CD9: variants seen among roughly 807,000 people sequenced by gnomAD.
The protein encoded by CD9 is CD9 molecule.
CD9 carries 10 observed loss-of-function variants against 31.4 expected under a neutral mutation model. The observed-to-expected ratio is 0.32, with a 90% CI of 0.20 to 0.54. The LOEUF (loss-of-function observed/expected upper bound fraction) is 0.54, where lower values mean the gene tolerates loss of function less well. Ranked by LOEUF, CD9 falls within the 20% of genes least tolerant of loss-of-function variation. The pLI is 0.94. For synonymous variants in CD9, 113 were observed against 114.1 expected, an observed-to-expected ratio of 0.99 and a Z score of 0.06; for missense variants, 259 against 300.1, an observed-to-expected ratio of 0.86 and a Z score of 1.01.
At chr12:6,236,307 A>T (rs372753121) in intron 7 of CD9, 32 bp downstream of exon 7, 21 of 1,586,638 alleles carry the variant, frequency 1.3e-5, no homozygotes, top group African/African-American at 6.7e-5. Flanking sequence ...CAGGAGGGGG[A>T]CTGAGGAGTT....
At chr12:6,217,574 A>G (rs1030802589) in intron 1 of CD9, among the ~76,000 whole-genome samples, 1 of 152,118 alleles carries the variant, frequency 6.6e-6, no homozygotes, top group Non-Finnish European at 1.5e-5. Context: ...CCCACCCCAT[A>G]AAGAAGCAGG....
chr12:6,209,945 A>G (rs1192625255), intron 1 of CD9, among the ~76,000 whole-genome samples: 2 of 152,194 alleles, frequency 1.3e-5, no homozygotes, highest in African/African-American at 4.8e-5. Context: ...TCGGCCTTCC[A>G]AAGTGCTGGG....
chr12:6,207,902 A>T (rs1946150351), intron 1 of CD9, among the ~76,000 whole-genome samples: 1 of 152,214 alleles, frequency 6.6e-6, no homozygotes, highest in African/African-American at 2.4e-5. Flanking sequence ...GAGGGAAGAA[A>T]TAGTGGCTCT....
intron 1 of CD9, among the ~76,000 whole-genome samples, chr12:6,223,018 G>A (rs997652735): frequency 2.0e-5 from 3 of 152,256 alleles, no homozygotes; most frequent in Non-Finnish European, 2.9e-5. Flanking sequence ...AAAAAGGACA[G>A]TAATGAGCAC....
At chr12:6,217,813 G>A (rs928229806) in intron 1 of CD9, among the ~76,000 whole-genome samples, 9 of 152,188 alleles carry the variant, frequency 5.9e-5, no homozygotes, top group Non-Finnish European at 1.3e-4. Flanking sequence ...TGGTAGATAT[G>A]GCCACCTCAA....
intron 1 of CD9, among the ~76,000 whole-genome samples, chr12:6,223,323 G>A (rs1259029352): frequency 1.3e-5 from 2 of 150,820 alleles, no homozygotes; most frequent in Non-Finnish European, 2.9e-5. Flanking sequence ...GTGCAGTGGC[G>A]CAATCTCCGC....
chr12:6,231,002 C>A (rs1439767811), intron 2 of CD9, among the ~76,000 whole-genome samples: 1 of 152,202 alleles, frequency 6.6e-6, no homozygotes, highest in Non-Finnish European at 1.5e-5. Context: ...TGCAAAGTCT[C>A]ACCCCTGCTC....
At chr12:6,220,014 C>T (rs1339558932) in intron 1 of CD9, among the ~76,000 whole-genome samples, 1 of 152,176 alleles carries the variant, frequency 6.6e-6, no homozygotes, top group Non-Finnish European at 1.5e-5. Flanking sequence ...TCAGAGGTCC[C>T]CTGGACCTCA....
chr12:6,236,198 C>T lies in CD9; in HGVS notation c.544C>T (p.Pro182Ser). The change falls in exon 7 of 8, where the codon CCT (proline) becomes TCT (serine). Residue 182 changes from proline to serine, a missense_variant. Transcript: ENST00000009180. The stretch of plus-strand genomic sequence containing the variant: ...CTTGGTTTGTCTCCCCAAGTCCTGT[C>T]CTGATGCCATCAAAGAGGTCTTCGA... ...VLETFTVKSCPDAIKEVFDNK... is the reference protein window; with the variant it reads ...VLETFTVKSCSDAIKEVFDNK... 1 of 1,614,190 alleles carries T rather than the reference C, an allele frequency of 6.2e-7. No individual in the cohort carries two copies. The highest frequency in any genetic ancestry group is 1.3e-5 in the African/African-American group (1 of 75,062).
At chr12:6,200,357 A>C, upstream of CD9, 1 of 501,618 alleles carries the variant, frequency 2.0e-6, no homozygotes, top group Admixed American at 3.0e-5. Context: ...CGCGCGCCCT[A>C]AGGAGTGGCA....
chr12:6,236,441 G>A (rs924080015), intron 7 of CD9, 166 bp downstream of exon 7: 8 of 641,254 alleles, frequency 1.2e-5, no homozygotes, highest in South Asian at 1.9e-5. Flanking sequence ...CAGAGAGGCC[G>A]ATGTTCTGAT....
intron 2 of CD9, among the ~76,000 whole-genome samples, chr12:6,231,043 G>A (rs138435005): frequency 3.3e-4 from 50 of 152,306 alleles, no homozygotes; most frequent in Middle Eastern, 3.4e-3. Flanking sequence ...TGAAGTCAGC[G>A]TGTCACCTGC....
At chr12:6,202,425 T>C (rs1243010854) in intron 1 of CD9, among the ~76,000 whole-genome samples, 3 of 152,224 alleles carry the variant, frequency 2.0e-5, no homozygotes, top group Non-Finnish European at 4.4e-5. Flanking sequence ...CCTTGAACTT[T>C]GGGAGTTTTC....
At chr12:6,206,732 C>T (rs1238984095) in intron 1 of CD9, among the ~76,000 whole-genome samples, 2 of 152,094 alleles carry the variant, frequency 1.3e-5, no homozygotes, top group African/African-American at 2.4e-5. Context: ...TTCCTCCCCC[C>T]GCCTCTCCAA....
intron 1 of CD9, among the ~76,000 whole-genome samples, chr12:6,216,662 G>A (rs1946245594): frequency 6.6e-6 from 1 of 152,110 alleles, no homozygotes; most frequent in Non-Finnish European, 1.5e-5. Context: ...CAGTCTTAGT[G>A]GAGCTCTGGA....
chr12:6,219,599 C>T (rs1431419635), intron 1 of CD9, among the ~76,000 whole-genome samples: 5 of 152,042 alleles, frequency 3.3e-5, no homozygotes, highest in Non-Finnish European at 7.4e-5. Flanking sequence ...CATTCTCCTG[C>T]CTCAGCCTCC....
upstream of CD9, chr12:6,200,366 C>G: frequency 1.8e-6 from 1 of 568,678 alleles, no homozygotes; most frequent in Non-Finnish European, 3.3e-6. Context: ...TAAGGAGTGG[C>G]ACTTTTTAAA....
chr12:6,233,123 T>A (rs1327347605), intron 3 of CD9: 1 of 695,832 alleles, frequency 1.4e-6, no homozygotes, highest in African/African-American at 1.8e-5. Context: ...CAATAGTAGT[T>A]GCCTGCTCAC....
At chr12:6,237,437 T>G (rs964913841) in intron 7 of CD9, among the ~76,000 whole-genome samples, 1 of 151,994 alleles carries the variant, frequency 6.6e-6, no homozygotes, top group Non-Finnish European at 1.5e-5. Flanking sequence ...AATGCAAAAG[T>G]ACTAACCTGT....
Sources: allele counts gnomAD v4.1 joint callset (sites outside exome capture counted in the v4.1 genomes callset), GRCh38; gene constraint gnomAD v4.1.1; transcripts MANE v1.5; gene names NCBI Gene and HGNC (gene_info 2026-07-23, HGNC 2026-07-21).